The following RHBG variants were observed in gnomAD, a reference collection of about 807,000 sequenced individuals.
RHBG encodes Rh family B glycoprotein.
A neutral mutation model predicts 40.1 loss-of-function variants in RHBG; 39 were observed. The observed-to-expected ratio is 0.97, with a 90% CI of 0.75 to 1.27. The LOEUF is 1.27. RHBG is among the 50% of genes most tolerant of loss of function. RHBG has a pLI of 0.00. For missense variants in RHBG, 549 were observed against 588.1 expected (o/e 0.93, Z 0.69); for synonymous variants, 237 against 252.5 (o/e 0.94, Z 0.58).
chr1:156,382,528 A>C (rs903777110), intron 7 of RHBG: 2 of 682,912 alleles, frequency 2.9e-6, no homozygotes, highest in Non-Finnish European at 5.1e-6. Context: ...AAAGGTGCCT[A>C]GGTGTCTGCT....
At chr1:156,382,224 C>A in intron 7 of RHBG, 23 bp downstream of exon 7, 1 of 1,614,102 alleles carries the variant, frequency 6.2e-7, no homozygotes. Context: ...CCAACCCGTA[C>A]TGCAGTCGTC....
At position 156,382,824 on chromosome 1, in the gene RHBG, C is replaced by G. The variant is rs375716273; in HGVS notation, c.1189C>G (p.Leu397Val). The G allele has an allele frequency of 2.0e-5, 32 of 1,614,126 alleles. No individual in the cohort carries two copies. Among genetic ancestry groups the G allele is most frequent in the Non-Finnish European group, 2.7e-5 (32 of 1,180,052 alleles). ...ACAGGCCATGCACCAGCTCTTCGGG[C>G]TGTTTGTCACACTGATGTTTGCCTC... ...TSQAMHQLFGLFVTLMFASVG... is the reference protein window; with the variant it reads ...TSQAMHQLFGVFVTLMFASVG... Residue 397 changes from leucine (L) to valine (V), a missense_variant, in exon 8 of 10, where the codon CTG becomes GTG. By Grantham distance (32) the Leu-to-Val change is conservative. Coordinates refer to ENST00000537040, the MANE Select transcript of RHBG (RefSeq NM_020407.5).
rs1263136125 is a variant in RHBG, at chr1:156,377,625, TG to T, written c.374+139del. ...CGTCACTTGGTTTCTCTAGGTGTCC[TG>T]CCTGTCCTTATTGCCTGACTTCCTC... On this transcript the variant is annotated intron_variant, in intron 2 of 9. Transcript: ENST00000537040. This position sits in a 1 kb window ranked among gnomAD's most constrained non-coding sequence, Gnocchi z 4.6. 4 of 877,682 alleles carry T rather than the reference TG, an allele frequency of 4.6e-6. No homozygotes were observed. Among genetic ancestry groups the T allele is most frequent in the African/African-American group, 1.7e-5 (1 of 59,128 alleles). 54.4% of individuals were successfully genotyped at this position (877,682 alleles called of 1,614,324 possible).
At chr1:156,373,918 TC>T (rs1397980748) in intron 1 of RHBG, among the ~76,000 whole-genome samples, 1 of 152,120 alleles carries the variant, frequency 6.6e-6, no homozygotes, top group Admixed American at 6.6e-5. Context: ...TCTGTTTTTT[TC>T]CCCCATCATC....
intron 3 of RHBG, 26 bp downstream of exon 3, chr1:156,378,166 CGGGGGTG>C: frequency 3.6e-6 from 1 of 274,944 alleles, no homozygotes; most frequent in Non-Finnish European, 6.4e-6. Flanking sequence ...GGGATGGAGT[CGGGGGTG>C]GGGGGTGGTC....
chr1:156,378,779 C>G (rs1055341027), intron 4 of RHBG, among the ~76,000 whole-genome samples: 1 of 152,146 alleles, frequency 6.6e-6, no homozygotes, highest in African/African-American at 2.4e-5. Flanking sequence ...CACCTCCAGG[C>G]CTTTGCCTGT....
In RHBG at chr1:156,381,327, C is replaced by A. The variant is rs756626471; in HGVS notation, c.674-20C>A. On this transcript the variant is annotated intron_variant, in intron 4 of 9. Transcript: ENST00000537040. ...GAGTCACTTCCTTCTTCTCACTCTG[C>A]CTGTCTGTCCACCATCTAGGGACCA... is the stretch of plus-strand genomic sequence containing the variant. The A allele has an allele frequency of 6.2e-6, 10 of 1,613,434 alleles. No individual in the cohort carries two copies. The highest frequency in any genetic ancestry group is 8.5e-6 in the Non-Finnish European group (10 of 1,179,816).
chr1:156,375,321 C>A (rs1288297574), intron 1 of RHBG, among the ~76,000 whole-genome samples: 6 of 152,148 alleles, frequency 3.9e-5, no homozygotes, highest in Non-Finnish European at 8.8e-5. Flanking sequence ...GATCCACCCA[C>A]CCTGGCCTCC....
At chr1:156,384,636 T>C in intron 9 of RHBG, 36 bp downstream of exon 9, 1 of 1,554,062 alleles carries the variant, frequency 6.4e-7, no homozygotes, top group Non-Finnish European at 8.7e-7. Context: ...CCTCTGAGTC[T>C]CCCTTCCCTG....
rs1246244981 is a variant in RHBG, at chr1:156,384,562, C to CA, written c.1270_1271insA (p.Pro424HisfsTer19). 39 of 1,600,488 alleles carry CA rather than the reference C, an allele frequency of 2.4e-5. No homozygotes were observed. The highest frequency in any genetic ancestry group is 8.5e-5 in the Admixed American group (5 of 58,686). On this transcript the variant is annotated frameshift_variant, in exon 9 of 10. Coordinates refer to ENST00000537040, the MANE Select transcript of RHBG (RefSeq NM_020407.5). LOFTEE classifies it high-confidence loss of function. ...GAAGCTACCCTTTCTGGACTCCCCC[C>CA]CAGACTCCCAGCACTACGAGGACCA...
At chr1:156,369,595 A>G (rs1666706345) in intron 1 of RHBG, among the ~76,000 whole-genome samples, 159 bp downstream of exon 1, 2 of 152,126 alleles carry the variant, frequency 1.3e-5, no homozygotes, top group South Asian at 2.1e-4. Context: ...CCCTTTCACT[A>G]GTGCCTGCTA....
chr1:156,370,401 A>T (rs1666755625), intron 1 of RHBG, among the ~76,000 whole-genome samples: 1 of 151,280 alleles, frequency 6.6e-6, no homozygotes, highest in African/African-American at 2.4e-5. Context: ...GTGAGTCAGG[A>T]TCACGCCACT....
chr1:156,381,354 C>A lies in RHBG; in HGVS notation c.681C>A (p.Ile227=). Residue 227 remains isoleucine, a synonymous_variant, in exon 5 of 10, where the codon ATC becomes ATA. Coordinates refer to ENST00000537040, the MANE Select transcript of RHBG (RefSeq NM_020407.5). ...HSDLFAMIGT[I]FLWIFWPSFN... is the part of the protein sequence containing the mutation. ...TGTCTGTCCACCATCTAGGGACCAT[C>A]TTCCTGTGGATCTTCTGGCCTAGCT... 6.2e-7 allele frequency: 1 copy of A among 1,614,152 alleles called. No individual in the cohort carries two copies. Among genetic ancestry groups the A allele is most frequent in the South Asian group, 1.1e-5 (1 of 91,086 alleles).
chr1:156,381,682 G>A, intron 5 of RHBG, 124 bp from the exon 6 acceptor site: 1 of 1,414,056 alleles, frequency 7.1e-7, no homozygotes. Flanking sequence ...ATGGTAGCAG[G>A]ACAATGAGAG....
At chr1:156,384,437 C>T in intron 8 of RHBG, 90 bp from the exon 9 acceptor site, 1 of 1,185,448 alleles carries the variant, frequency 8.4e-7, no homozygotes, top group Non-Finnish European at 1.3e-6. Flanking sequence ...CTTATGCCTC[C>T]TAGACCCCTG....
At position 156,384,562 on chromosome 1, in the gene RHBG, C is replaced by A. The variant is rs200023853; in HGVS notation, c.1270C>A (p.Pro424Thr). ...LLKLPFLDSP[P>T]DSQHYEDQVH... is the part of the protein sequence containing the mutation. ...GAAGCTACCCTTTCTGGACTCCCCC[C>A]CAGACTCCCAGCACTACGAGGACCA... Residue 424 changes from proline (P) to threonine (T), a missense_variant, in exon 9 of 10, where the codon CCA becomes ACA. Physicochemically the swap from Pro to Thr is conservative, Grantham distance 38 (BLOSUM62 -1). This residue lies in a region of RHBG where 399 missense variants were observed against 417.0 expected (regional missense o/e 0.96). Coordinates refer to ENST00000537040, the MANE Select transcript of RHBG (RefSeq NM_020407.5). 2 of 1,600,486 alleles carry A rather than the reference C, an allele frequency of 1.2e-6. No homozygotes were observed. Among genetic ancestry groups the A allele is most frequent in the Admixed American group, 1.7e-5 (1 of 58,686 alleles).
rs1350028270 is a variant in RHBG, at chr1:156,377,071, G to A, written c.188-230G>A. On this transcript the variant is annotated intron_variant, in intron 1 of 9. Transcript: ENST00000537040. This position sits in a 1 kb window ranked among gnomAD's most constrained non-coding sequence, Gnocchi z 4.6. ...ATAGAGCAGAAGGCTTTACTCCCTT[G>A]CTCTGACACGAGGACAGCAGGGATG... is the stretch of plus-strand genomic sequence containing the variant. 6.6e-6 allele frequency among the ~76,000 whole-genome samples: 1 copy of A among 152,244 alleles called. No individual in the cohort carries two copies. Among genetic ancestry groups the A allele is most frequent in the Non-Finnish European group, 1.5e-5 (1 of 68,040 alleles).
chr1:156,377,917 T>A lies in RHBG; in HGVS notation c.375-73T>A. ...ACCCACCACATCATGCTGTCCTGGC[T>A]TCATGCCAGGCAGGAACCCCGAGGC... On this transcript the variant is annotated intron_variant, in intron 2 of 9. Coordinates refer to ENST00000537040, the MANE Select transcript of RHBG (RefSeq NM_020407.5). The surrounding 1 kb of genome is among the most constrained non-coding windows in gnomAD (Gnocchi z 4.6). The A allele has an allele frequency of 7.7e-7, 1 of 1,296,186 alleles. No individual in the cohort carries two copies. Among genetic ancestry groups the A allele is most frequent in the Non-Finnish European group, 1.1e-6 (1 of 939,100 alleles). 80.3% of individuals were successfully genotyped at this position (1,296,186 alleles called of 1,614,324 possible).
Position 156,381,829 on chromosome 1 carries a change from G to A in RHBG, c.864G>A (p.Leu288=). 1.9e-6 allele frequency: 3 copies of A among 1,590,420 alleles called. No homozygotes were observed. The highest frequency in any genetic ancestry group is 8.5e-7 in the Non-Finnish European group (1 of 1,174,400). Residue 288 remains leucine, a synonymous_variant, in exon 6 of 10, where the codon CTG becomes CTA. Coordinates refer to ENST00000537040, the MANE Select transcript of RHBG (RefSeq NM_020407.5). The part of the protein sequence containing the change: ...LDMVHIQNAA[L]AGGVVVGTSS... The stretch of plus-strand genomic sequence containing the variant: ...AGGTCCACATCCAAAATGCAGCGCT[G>A]GCTGGAGGGGTTGTGGTGGGGACCT...
Sources: gnomAD v4.1 joint callset for allele counts (sites outside exome capture counted in the v4.1 genomes callset) on GRCh38, gnomAD v4.1.1 for gene constraint, gnomAD v4.1.1 regional missense constraint, Gnocchi (gnomAD v3.1) non-coding constraint, MANE v1.5 for transcripts, NCBI Gene and HGNC (gene_info 2026-07-23, HGNC 2026-07-21) for gene names.